The following RERE variants were observed in gnomAD, a reference collection of about 807,000 sequenced individuals.
RERE encodes arginine-glutamic acid dipeptide repeats.
Under a neutral mutation model 146.1 loss-of-function variants are expected in RERE, and 40 were observed. That is an observed-to-expected ratio of 0.27 (90% CI 0.21 to 0.36). RERE has a LOEUF of 0.36. RERE is among the 10% of genes least tolerant of loss of function. The pLI, the probability that RERE is intolerant of heterozygous loss-of-function variation, is 1.00. For synonymous variants in RERE, 1,003 were observed against 866.0 expected (o/e 1.16, Z -2.78); for missense variants, 1,933 against 2,138.7 (o/e 0.90, Z 1.90).
At chr1:8,744,641 G>A (rs978589748) in intron 1 of RERE, among the ~76,000 whole-genome samples, 1 of 152,184 alleles carries the variant, frequency 6.6e-6, no homozygotes, top group African/African-American at 2.4e-5. Flanking sequence ...GTCTAAAAGA[G>A]ATGACCTTCA....
intron 4 of RERE, among the ~76,000 whole-genome samples, chr1:8,569,165 A>G (rs999241420): frequency 6.6e-6 from 1 of 152,046 alleles, no homozygotes; most frequent in Non-Finnish European, 1.5e-5. Context: ...GAAGAAAAAA[A>G]TAGCTATTCG....
At chr1:8,603,852 G>C (rs1188213216) in intron 4 of RERE, among the ~76,000 whole-genome samples, 3 of 148,788 alleles carry the variant, frequency 2.0e-5, no homozygotes, top group Non-Finnish European at 4.4e-5. Flanking sequence ...CAGCTACTCA[G>C]GAGGTTGAGA....
chr1:8,435,832 T>C (rs1214379235), intron 11 of RERE, among the ~76,000 whole-genome samples: 1 of 152,208 alleles, frequency 6.6e-6, no homozygotes, highest in Non-Finnish European at 1.5e-5. Flanking sequence ...TTACACTGAG[T>C]ACACTGAAGT....
intron 11 of RERE, among the ~76,000 whole-genome samples, chr1:8,448,588 C>T (rs947445897): frequency 2.0e-5 from 3 of 152,128 alleles, no homozygotes; most frequent in African/African-American, 7.2e-5. Flanking sequence ...GAAACTCCAT[C>T]TCTACTAAAA....
intron 1 of RERE, among the ~76,000 whole-genome samples, chr1:8,810,924 C>T (rs1176860145): frequency 6.6e-6 from 1 of 151,878 alleles, no homozygotes; most frequent in Non-Finnish European, 1.5e-5. Flanking sequence ...AGTCAGTAGG[C>T]GGGCAGAGTC....
chr1:8,736,187 CAGTT>C (rs1320664733), intron 1 of RERE, among the ~76,000 whole-genome samples: 2 of 58,790 alleles, frequency 3.4e-5, no homozygotes, highest in South Asian at 4.2e-4. Flanking sequence ...TTTAAACCAT[CAGTT>C]TGTTTGTTTG....
At chr1:8,762,973 A>C (rs188790442) in intron 1 of RERE, among the ~76,000 whole-genome samples, 39 of 152,298 alleles carry the variant, frequency 2.6e-4, no homozygotes, top group African/African-American at 8.9e-4. Context: ...ACAGTCCCTC[A>C]ATCAGCAAAA....
chr1:8,405,098 AG>A (rs1643401437), intron 12 of RERE, among the ~76,000 whole-genome samples: 1 of 152,212 alleles, frequency 6.6e-6, no homozygotes, highest in Admixed American at 6.5e-5. Flanking sequence ...AGGAGACTGC[AG>A]GCTAAGTTAA....
chr1:8,591,193 A>T (rs941825445), intron 4 of RERE, among the ~76,000 whole-genome samples: 1 of 152,220 alleles, frequency 6.6e-6, no homozygotes, highest in Non-Finnish European at 1.5e-5. Flanking sequence ...GAAAGTAAAG[A>T]TCAAACCACC....
chr1:8,559,280 C>CAAAAAAAAAAAAAAAAAAAA lies in RERE; in HGVS notation c.523-1777_523-1758dup, dbSNP rs548075266. Among the ~76,000 whole-genome samples, 58 of 12,064 alleles carry CAAAAAAAAAAAAAAAAAAAA rather than the reference C, an allele frequency of 4.8e-3. 1 individual carries two copies. Among genetic ancestry groups the CAAAAAAAAAAAAAAAAAAAA allele is most frequent in the East Asian group, 0.014 (2 of 140 alleles). 7.9% of individuals were successfully genotyped at this position (12,064 alleles called of 152,430 possible). ...GGGCAACAAGAGCAAAACTCCAGCT[C>CAAAAAAAAAAAAAAAAAAAA]AAAAAAAAAAAAAAAAAAAAAAAAC... On this transcript the variant is annotated intron_variant, in intron 4 of 22. Transcript: ENST00000400908.
In RERE at chr1:8,556,508, T is replaced by C. The variant is rs1401475634; in HGVS notation, c.692A>G (p.Asp231Gly). The C allele has an allele frequency of 6.2e-7, 1 of 1,611,226 alleles. No individual in the cohort carries two copies. The highest frequency in any genetic ancestry group is 1.7e-5 in the Admixed American group (1 of 60,018). ...AGCAGCATGGTAAGTGTCAACGTAATCAGAAATGAAGAGCTCTCGGTTCTT... is the reference window on the plus strand; with the variant it reads ...AGCAGCATGGTAAGTGTCAACGTAACCAGAAATGAAGAGCTCTCGGTTCTT... ...VIKNRELFIS[D>G]YVDTYHAAAL... Residue 231 changes from aspartate to glycine, a missense_variant, in exon 6 of 23, where the codon GAT (aspartate) becomes GGT (glycine). Around this residue, in one of 11 missense-constraint regions of RERE, gnomAD observed 37 missense variants for 46.6 expected, o/e 0.79. Transcript: ENST00000400908.
At chr1:8,363,486 C>T (rs1363449811) in intron 15 of RERE, among the ~76,000 whole-genome samples, 1 of 152,140 alleles carries the variant, frequency 6.6e-6, no homozygotes, top group Non-Finnish European at 1.5e-5. Flanking sequence ...TGGATGGTCC[C>T]ACCCACCTGC....
At chr1:8,529,464 AAT>A (rs1491091970) in intron 7 of RERE, among the ~76,000 whole-genome samples, 1 of 52,608 alleles carries the variant, frequency 1.9e-5, no homozygotes, top group East Asian at 1.1e-3. Flanking sequence ...TAAATTTTTT[AAT>A]TTTTTTTTTT....
chr1:8,670,388 T>G (rs985199965), intron 1 of RERE, among the ~76,000 whole-genome samples: 1 of 152,196 alleles, frequency 6.6e-6, no homozygotes, highest in African/African-American at 2.4e-5. Context: ...GAGTTCATAC[T>G]AGGTGGCCTA....
At chr1:8,502,511 G>A (rs1285967708) in intron 8 of RERE, among the ~76,000 whole-genome samples, 1 of 124,996 alleles carries the variant, frequency 8.0e-6, no homozygotes, top group Non-Finnish European at 1.7e-5. Context: ...CGGGAGGTCA[G>A]GGGCGCTTCT....
At chr1:8,476,556 C>G (rs1335323949) in intron 10 of RERE, among the ~76,000 whole-genome samples, 1 of 152,206 alleles carries the variant, frequency 6.6e-6, no homozygotes, top group Non-Finnish European at 1.5e-5. Context: ...TCCATGAAAA[C>G]ACTCACAGTG....
intron 4 of RERE, among the ~76,000 whole-genome samples, chr1:8,571,701 C>G (rs1395191270): frequency 1.3e-5 from 2 of 152,170 alleles, no homozygotes; most frequent in Non-Finnish European, 2.9e-5. Flanking sequence ...TATAACCGTT[C>G]CATCTACAAA....
intron 10 of RERE, among the ~76,000 whole-genome samples, chr1:8,480,129 T>TG (rs1491446873): frequency 1.9e-3 from 8 of 4,238 alleles, no homozygotes; most frequent in African/African-American, 9.3e-3. Context: ...CCTTTTTTTG[T>TG]TTTTTTTTTT....
chr1:8,675,406 C>G (rs1276680390), intron 1 of RERE, among the ~76,000 whole-genome samples: 1 of 149,614 alleles, frequency 6.7e-6, no homozygotes, highest in Admixed American at 6.9e-5. Flanking sequence ...GCCTGTAATC[C>G]CAAACACTTT....
Sources: gnomAD v4.1 joint callset for allele counts (sites outside exome capture counted in the v4.1 genomes callset) on GRCh38, gnomAD v4.1.1 for gene constraint, gnomAD v4.1.1 regional missense constraint, MANE v1.5 for transcripts, NCBI Gene and HGNC (gene_info 2026-07-23, HGNC 2026-07-21) for gene names.